Variants in IGSF9B observed in about 807,000 individuals in gnomAD.
IGSF9B encodes the protein immunoglobulin superfamily member 9B, also known as protein turtle homolog B.
Under a neutral mutation model 143.7 loss-of-function variants are expected in IGSF9B, and 48 were observed. The ratio of observed to expected loss-of-function variants is 0.33; its 90% CI spans 0.26 to 0.42. The LOEUF (loss-of-function observed/expected upper bound fraction) is 0.42. Ranked by LOEUF, IGSF9B falls within the 20% of genes least tolerant of loss-of-function variation. The pLI is 1.00. For synonymous variants in IGSF9B, 903 were observed against 833.1 expected (o/e 1.08, Z -1.44); for missense variants, 1,706 against 1,980.0 (o/e 0.86, Z 2.63).
In IGSF9B at chr11:133,897,051, T is replaced by G. The variant is rs1333221765; in HGVS notation, c.*12018A>C. 6.6e-6 allele frequency: 1 copy of G among 152,146 alleles called. No individual in the cohort carries two copies. The allele number at this position is 152,146 out of a possible 1,614,324, so 9.4% of individuals were successfully genotyped here. Reference sequence around the variant, plus strand: ...CGGGAGGAGACAGTTCCTCCTACTCTTGGAAGTCTGTGATTTGGTGGCTGG... The same window carrying G: ...CGGGAGGAGACAGTTCCTCCTACTCGTGGAAGTCTGTGATTTGGTGGCTGG... On this transcript the variant is annotated 3_prime_UTR_variant, in exon 20 of 20. Transcript: ENST00000533871.
At chr11:133,954,892 G>T (rs1482775997) in intron 1 of IGSF9B, among the ~76,000 whole-genome samples, 1 of 152,074 alleles carries the variant, frequency 6.6e-6, no homozygotes, top group Non-Finnish European at 1.5e-5. Context: ...TAACCTTCAT[G>T]CCAGGCAGCC....
Position 133,907,118 on chromosome 11 carries a change from T to C in IGSF9B, c.*1951A>G, listed in dbSNP as rs537302238. Among the ~76,000 whole-genome samples, 1 of 152,144 alleles carries C rather than the reference T, an allele frequency of 6.6e-6. No individual in the cohort carries two copies. Among genetic ancestry groups the C allele is most frequent in the Admixed American group, 6.5e-5 (1 of 15,290 alleles). ...CACCCCAAGGGTGCACGGCCCAGTCTCAGAAGCCCCTGCGTGCCTCTCTCA... is the reference window on the plus strand; with the variant it reads ...CACCCCAAGGGTGCACGGCCCAGTCCCAGAAGCCCCTGCGTGCCTCTCTCA... On this transcript the variant is annotated 3_prime_UTR_variant, in exon 20 of 20. Coordinates refer to ENST00000533871, the MANE Select transcript of IGSF9B (RefSeq NM_001277285.4).
rs1221528580 is a variant in IGSF9B, at chr11:133,903,225, G to A, written c.*5844C>T. ...GCCACAGAGAGGTAGGATTGGTGGA[G>A]CACACTTCTTCAAGACCCGAAAGAA... On this transcript the variant is annotated 3_prime_UTR_variant, in exon 20 of 20. Coordinates refer to ENST00000533871, the MANE Select transcript of IGSF9B (RefSeq NM_001277285.4). Among the ~76,000 whole-genome samples, 2 of 152,180 alleles carry A rather than the reference G, an allele frequency of 1.3e-5. No individual in the cohort carries two copies. The highest frequency in any genetic ancestry group is 4.8e-5 in the African/African-American group (2 of 41,502).
chr11:133,941,327 T>C (rs1939953144), intron 3 of IGSF9B, among the ~76,000 whole-genome samples: 3 of 152,228 alleles, frequency 2.0e-5, no homozygotes, highest in African/African-American at 4.8e-5. Context: ...GTATTTTATA[T>C]GTGATAAAGA....
chr11:133,931,371 G>A lies in IGSF9B; in HGVS notation c.1368+82C>T. The A allele has an allele frequency of 9.6e-7, 1 of 1,042,484 alleles. No individual in the cohort carries two copies. The highest frequency in any genetic ancestry group is 1.4e-6 in the Non-Finnish European group (1 of 697,216). 64.6% of individuals were successfully genotyped at this position (1,042,484 alleles called of 1,614,324 possible). On this transcript the variant is annotated intron_variant, in intron 10 of 19. Transcript: ENST00000533871. The surrounding 1 kb of genome is among the most constrained non-coding windows in gnomAD (Gnocchi z 7.7). The stretch of plus-strand genomic sequence containing the variant: ...CTCCCCTCAGCCCCGGGGCTCGCTG[G>A]GCCCTCAAACCTCCCCGCAGCCCCA...
rs1940040297 is a variant in IGSF9B, at chr11:133,945,934, A to C, written c.262+127T>G. 1 of 677,028 alleles carries C rather than the reference A, an allele frequency of 1.5e-6. No homozygotes were observed. The highest frequency in any genetic ancestry group is 2.5e-6 in the Non-Finnish European group (1 of 398,762). The allele number at this position is 677,028 out of a possible 1,614,324, so 41.9% of individuals were successfully genotyped here. A position where few individuals can be genotyped will look rare whatever the true frequency, so the allele number is the denominator to read the frequency against. On this transcript the variant is annotated intron_variant, in intron 2 of 19. Transcript: ENST00000533871. The surrounding 1 kb of genome is among the most constrained non-coding windows in gnomAD (Gnocchi z 4.6). ...GAACCAACAGAGGACAAAGGATGGGAGGAACCAGGCAGAGACTGGGAAACA... is the reference window on the plus strand; with the variant it reads ...GAACCAACAGAGGACAAAGGATGGGCGGAACCAGGCAGAGACTGGGAAACA...
chr11:133,922,020 A>C (rs1939548469), intron 17 of IGSF9B, among the ~76,000 whole-genome samples, 157 bp downstream of exon 17: 1 of 152,158 alleles, frequency 6.6e-6, no homozygotes, highest in African/African-American at 2.4e-5. Flanking sequence ...AATGGCTTAG[A>C]AACACTGAGA....
At position 133,926,036 on chromosome 11, in the gene IGSF9B, T is replaced by C. The variant is rs1024343648; in HGVS notation, c.1808-71A>G. 358 of 1,106,926 alleles carry C rather than the reference T, an allele frequency of 3.2e-4. 1 individual carries two copies. Among genetic ancestry groups the C allele is most frequent in the Middle Eastern group, 2.4e-4 (1 of 4,250 alleles). 68.6% of individuals were successfully genotyped at this position (1,106,926 alleles called of 1,614,324 possible). On this transcript the variant is annotated intron_variant, in intron 13 of 19. Transcript: ENST00000533871. ...AGGGCAGCCACCGCACCCCCCACAC[T>C]CCTGTGCACATGTCAGGGCCCAGAG...
chr11:133,933,823 C>T (rs1417817455), intron 7 of IGSF9B, among the ~76,000 whole-genome samples: 1 of 152,098 alleles, frequency 6.6e-6, no homozygotes, highest in Non-Finnish European at 1.5e-5. Flanking sequence ...CCCTATTTCT[C>T]CTGAGGGCTA....
rs1431742517 is a variant in IGSF9B at position 133,956,801 on chromosome 11, CCGCGCCCGCACGCGCCT to C, written c.-64_-48del. On this transcript the variant is annotated 5_prime_UTR_variant, in exon 1 of 20. Transcript: ENST00000533871. ...AGCCTCATCCTATCGCAAAGTGCTCCCGCGCCCGCACGCGCCTCGCGCCCGAGCGCCCGCCTCGCGCC... is the reference window on the plus strand; with the variant it reads ...AGCCTCATCCTATCGCAAAGTGCTCCCGCGCCCGAGCGCCCGCCTCGCGCC... 4.7e-6 allele frequency: 6 copies of C among 1,268,968 alleles called. No individual in the cohort carries two copies. Among genetic ancestry groups the C allele is most frequent in the Non-Finnish European group, 6.3e-6 (6 of 956,206 alleles). 78.6% of individuals were successfully genotyped at this position (1,268,968 alleles called of 1,614,324 possible).
At chr11:133,911,284 C>T (rs1343296780) in intron 19 of IGSF9B, among the ~76,000 whole-genome samples, 1 of 152,194 alleles carries the variant, frequency 6.6e-6, no homozygotes, top group Non-Finnish European at 1.5e-5. Context: ...GGACATACTT[C>T]GATAGAGGCA....
At chr11:133,918,828 C>CG (rs34545971) in intron 18 of IGSF9B, among the ~76,000 whole-genome samples, 52,110 of 149,464 alleles carry the variant, frequency 0.35, 10,768 homozygotes, top group East Asian at 0.61. Context: ...GAGAAGAGGG[C>CG]GGGGGACGGG....
At chr11:133,919,132 G>GGGGGGGGGGC in intron 18 of IGSF9B, 1 of 377,566 alleles carries the variant, frequency 2.6e-6, no homozygotes, top group Admixed American at 3.0e-5. Flanking sequence ...GGGGGGGTGG[G>GGGGGGGGGGC]GGACGTGTCC....
At chr11:133,918,089 T>A (rs1177257125) in intron 18 of IGSF9B, among the ~76,000 whole-genome samples, 1 of 150,578 alleles carries the variant, frequency 6.6e-6, no homozygotes, top group African/African-American at 2.5e-5. Context: ...GTGCCGAGCG[T>A]GGCTCGATGT....
chr11:133,947,833 T>G (rs1473097974), intron 1 of IGSF9B, among the ~76,000 whole-genome samples: 1 of 151,982 alleles, frequency 6.6e-6, no homozygotes, highest in Non-Finnish European at 1.5e-5. Context: ...TCTCTGTTTG[T>G]CTGTCTGCCT....
In IGSF9B at chr11:133,917,809, G is replaced by T. The variant is rs1470616809; in HGVS notation, c.3983+1933C>A. ...CCCCAGGAGAAGGGATGCTATGCCT[G>T]GGGCTGCTGGGAGAATAGGGTGCGG... On this transcript the variant is annotated intron_variant, in intron 18 of 19. Transcript: ENST00000533871. Among the ~76,000 whole-genome samples the T allele has an allele frequency of 3.3e-5, 5 of 152,122 alleles. No individual in the cohort carries two copies. In the South Asian group the frequency reaches 8.3e-4, roughly 25 times the overall value.
chr11:133,920,371 G>C lies in IGSF9B; in HGVS notation c.3354C>G (p.Ala1118=). The change falls in exon 18 of 20, where the codon GCC becomes GCG. Residue 1118 remains alanine, a synonymous_variant. Transcript: ENST00000533871. ...PGRGPVPAPP[A]AKWQDRPMQP... ...GCATAGGTCTGTCCTGCCACTTGGC[G>C]GCGGGGGGCGCTGGGACAGGGCCCC... 1.9e-6 allele frequency: 3 copies of C among 1,604,444 alleles called. No individual in the cohort carries two copies. The highest frequency in any genetic ancestry group is 2.6e-6 in the Non-Finnish European group (3 of 1,176,046).
At chr11:133,930,506 C>T (rs1258488083) in intron 11 of IGSF9B, among the ~76,000 whole-genome samples, 4 of 152,166 alleles carry the variant, frequency 2.6e-5, no homozygotes, top group Non-Finnish European at 1.5e-5. Flanking sequence ...CTGGGACACG[C>T]GCTTCGGGCA....
At position 133,920,126 on chromosome 11, in the gene IGSF9B, C is replaced by A; in HGVS notation, c.3599G>T (p.Arg1200Leu). ...SLHQVVLQPS[R>L]LSPLTQSPLS... is the part of the protein sequence containing the mutation. ...GGGGCTTTGGGTCAGAGGTGAGAGC[C>A]GGGAGGGCTGTAGCACCACTTGATG... The change falls in exon 18 of 20, where the codon CGG (arginine) becomes CTG (leucine). Residue 1200 changes from arginine (R) to leucine (L), a missense_variant. This residue lies in a region of IGSF9B where 880 missense variants were observed against 762.9 expected (regional missense o/e 1.15). Coordinates refer to ENST00000533871, the MANE Select transcript of IGSF9B (RefSeq NM_001277285.4). 1 of 1,510,712 alleles carries A rather than the reference C, an allele frequency of 6.6e-7. No homozygotes were observed. Among genetic ancestry groups the A allele is most frequent in the Non-Finnish European group, 8.9e-7 (1 of 1,129,186 alleles). 93.6% of individuals were successfully genotyped at this position (1,510,712 alleles called of 1,614,324 possible).
Sources: allele counts gnomAD v4.1 joint callset (sites outside exome capture counted in the v4.1 genomes callset), GRCh38; gene constraint gnomAD v4.1.1; regional missense constraint gnomAD v4.1.1; non-coding constraint Gnocchi (gnomAD v3.1); transcripts MANE v1.5; gene names NCBI Gene and HGNC (gene_info 2026-07-23, HGNC 2026-07-21).